The following UGT2B11 variants were observed in gnomAD, a reference collection of about 807,000 sequenced individuals.
UGT2B11 encodes the protein UDP-glucuronosyltransferase 2B11.
A neutral mutation model predicts 51.7 loss-of-function variants in UGT2B11; 49 were observed. The ratio of observed to expected loss-of-function variants is 0.95; its 90% CI spans 0.75 to 1.20. The LOEUF is 1.20. Ranked by LOEUF, UGT2B11 falls within the 50% of genes most tolerant of loss-of-function variation. The pLI is 0.00. For synonymous variants in UGT2B11, 273 were observed against 209.0 expected (o/e 1.31, Z -2.64); for missense variants, 810 against 622.1 (o/e 1.30, Z -3.21).
chr4:69,209,803 T>C (rs1037039972), intron 2 of UGT2B11, among the ~76,000 whole-genome samples: 47 of 151,712 alleles, frequency 3.1e-4, no homozygotes, highest in African/African-American at 1.1e-3. Flanking sequence ...GTTTTTCTAC[T>C]AGGTGTTGAA....
In UGT2B11 at chr4:69,214,185, T is replaced by C. The variant is rs147658117; in HGVS notation, c.538A>G (p.Ile180Val). 4.0e-5 allele frequency: 65 copies of C among 1,612,864 alleles called. No homozygotes were observed. Among genetic ancestry groups the C allele is most frequent in the Non-Finnish European group, 4.9e-5 (58 of 1,179,384 alleles). The change falls in exon 1 of 6, where the codon ATT (isoleucine) becomes GTT (valine). Residue 180 changes from isoleucine (I) to valine (V), a missense_variant. Ile to Val is a conservative substitution (Grantham distance 29). Transcript: ENST00000446444. ...ATCAGTCCTCCACTGTGCCTTTCAA[T>C]TGTGTAGCCAGGAGTAAAGCGGAGA... is the stretch of plus-strand genomic sequence containing the variant. Reference protein sequence around the residue: ...YSLRFTPGYTIERHSGGLIFP... With the variant: ...YSLRFTPGYTVERHSGGLIFP...
At chr4:69,210,268 A>G (rs1722012427) in intron 2 of UGT2B11, among the ~76,000 whole-genome samples, 1 of 151,556 alleles carries the variant, frequency 6.6e-6, no homozygotes, top group African/African-American at 2.4e-5. Context: ...AATTTTGTGA[A>G]TATTTTCCAT....
At chr4:69,201,978 T>C (rs757074895) in intron 5 of UGT2B11, among the ~76,000 whole-genome samples, 24 of 151,770 alleles carry the variant, frequency 1.6e-4, no homozygotes, top group Non-Finnish European at 2.4e-4. Flanking sequence ...TTCTGAACCT[T>C]TTAGTGACTA....
intron 4 of UGT2B11, among the ~76,000 whole-genome samples, chr4:69,205,103 C>A (rs1721800212): frequency 1.3e-5 from 2 of 151,568 alleles, no homozygotes; most frequent in South Asian, 4.2e-4. Context: ...ATTTAGTCCT[C>A]CAGAAAATAC....
Position 69,212,584 on chromosome 4 carries a change from G to A in UGT2B11, c.859C>T (p.Pro287Ser), listed in dbSNP as rs1387025543. The change falls in exon 2 of 6, where the codon CCC becomes TCC. Residue 287 changes from proline (P) to serine (S), a missense_variant. By Grantham distance (74) the Pro-to-Ser change is moderately conservative. Coordinates refer to ENST00000446444, the MANE Select transcript of UGT2B11 (RefSeq NM_001073.3). ...AAAAGTATGTTTACCTTAGGTAGGG[G>A]TTTGGCAGGTTTGCAGTGGAATCCT... Reference protein sequence around the residue: ...VGGFHCKPAKPLPKEMEEFVQ... With the variant: ...VGGFHCKPAKSLPKEMEEFVQ... The A allele has an allele frequency of 1.9e-6, 3 of 1,607,888 alleles. No individual in the cohort carries two copies. Among genetic ancestry groups the A allele is most frequent in the East Asian group, 2.2e-5 (1 of 44,566 alleles).
chr4:69,219,464 T>C (rs1405269742), upstream of UGT2B11, among the ~76,000 whole-genome samples: 9 of 148,378 alleles, frequency 6.1e-5, no homozygotes, highest in East Asian at 1.4e-3. Context: ...TTCTCTTCTA[T>C]TGATTTTGTT....
At chr4:69,216,278 T>A (rs1459130673), upstream of UGT2B11, 2 of 152,048 alleles carry the variant, frequency 1.3e-5, no homozygotes, top group Non-Finnish European at 2.9e-5. Flanking sequence ...TTGAACAGTA[T>A]CAGAACATTC....
chr4:69,215,234 CT>C (rs1369741553), upstream of UGT2B11: 1 of 152,554 alleles, frequency 6.6e-6, no homozygotes, highest in Non-Finnish European at 1.5e-5. Context: ...TCAGTTTTAT[CT>C]AAAAAAACAA....
At chr4:69,209,471 A>T (rs1721978772) in intron 2 of UGT2B11, among the ~76,000 whole-genome samples, 1 of 151,684 alleles carries the variant, frequency 6.6e-6, no homozygotes, top group South Asian at 2.1e-4. Flanking sequence ...TTGATTGAGA[A>T]TTATTCTGAC....
chr4:69,215,953 T>C (rs1412809404), upstream of UGT2B11: 1 of 152,056 alleles, frequency 6.6e-6, no homozygotes, highest in Non-Finnish European at 1.5e-5. Context: ...TTGTTAAAAA[T>C]CTCAAATGCA....
At chr4:69,212,347 T>C (rs1722097699) in intron 2 of UGT2B11, among the ~76,000 whole-genome samples, 1 of 151,604 alleles carries the variant, frequency 6.6e-6, no homozygotes, top group African/African-American at 2.4e-5. Context: ...TAATCAACCC[T>C]ACATTCAAAG....
At chr4:69,211,228 C>T (rs1016498048) in intron 2 of UGT2B11, 2 of 151,422 alleles carry the variant, frequency 1.3e-5, no homozygotes, top group African/African-American at 4.8e-5. Flanking sequence ...GTCAAGTGAA[C>T]CCTGGGTTTG....
intron 3 of UGT2B11, 164 bp from the exon 4 acceptor site, chr4:69,205,731 T>A (rs1290577291): frequency 7.2e-6 from 6 of 833,588 alleles, no homozygotes; most frequent in African/African-American, 1.8e-5. Context: ...TTAACTTTTA[T>A]AATGATTTAG....
intron 5 of UGT2B11, among the ~76,000 whole-genome samples, chr4:69,202,585 C>T (rs763261856): frequency 4.0e-5 from 6 of 151,572 alleles, no homozygotes; most frequent in Admixed American, 1.3e-4. Flanking sequence ...ACAATACATA[C>T]ATGTGTATTG....
In UGT2B11 at chr4:69,214,283, A is replaced by T; in HGVS notation, c.440T>A (p.Ile147Asn). The change falls in exon 1 of 6, where the codon ATC (isoleucine) becomes AAC (asparagine). Residue 147 changes from isoleucine (I) to asparagine (N), a missense_variant. Physicochemically the swap from Ile to Asn is moderately radical, Grantham distance 149. Transcript: ENST00000446444. The stretch of plus-strand genomic sequence containing the variant: ...GGGAAAAACAGCATCTGCAAAAACG[A>T]TGTCAAATCTTGACTCTTGTAGTTT... ...MKKLQESRFD[I>N]VFADAVFPCG... is the part of the protein sequence containing the mutation. The T allele has an allele frequency of 1.9e-6, 3 of 1,613,308 alleles. No homozygotes were observed. The highest frequency in any genetic ancestry group is 2.5e-6 in the Non-Finnish European group (3 of 1,179,506).
upstream of UGT2B11, among the ~76,000 whole-genome samples, chr4:69,219,479 G>A (rs1722357033): frequency 2.1e-5 from 3 of 141,960 alleles, no homozygotes; most frequent in Admixed American, 1.4e-4. Flanking sequence ...TTTGTTCTAG[G>A]GTTTTATAGT....
In UGT2B11 at chr4:69,208,614, A is replaced by C. The variant is rs990665606; in HGVS notation, c.871-132T>G. Reference sequence around the variant, plus strand: ...TTATTGGAATTAATAATATTTTTTAACTGAATCATTCAGTTTCTTTGCAAG... The same window carrying C: ...TTATTGGAATTAATAATATTTTTTACCTGAATCATTCAGTTTCTTTGCAAG... On this transcript the variant is annotated intron_variant, in intron 2 of 5. Coordinates refer to ENST00000446444, the MANE Select transcript of UGT2B11 (RefSeq NM_001073.3). 7.5e-6 allele frequency: 11 copies of C among 1,476,022 alleles called. No individual in the cohort carries two copies. The African/African-American group carries it at 1.6e-4, about 21-fold the overall frequency. 91.4% of individuals were successfully genotyped at this position (1,476,022 alleles called of 1,614,324 possible).
chr4:69,217,201 C>A (rs1052407800), upstream of UGT2B11, among the ~76,000 whole-genome samples: 1 of 152,098 alleles, frequency 6.6e-6, no homozygotes, highest in Non-Finnish European at 1.5e-5. Flanking sequence ...TACTCCTGAA[C>A]TTGTTTCACA....
chr4:69,205,564 G>C lies in UGT2B11; in HGVS notation c.1006C>G (p.Leu336Val). 2 of 1,609,664 alleles carry C rather than the reference G, an allele frequency of 1.2e-6. No homozygotes were observed. Among genetic ancestry groups the C allele is most frequent in the Non-Finnish European group, 1.7e-6 (2 of 1,177,596 alleles). Residue 336 changes from leucine to valine, a missense_variant, in exon 4 of 6, where the codon CTG (leucine) becomes GTG (valine). Transcript: ENST00000446444. ...GGTTTATTCCCGTCAAATCTCCACAGAACCTGTTACAGTAAAGAGAATATC... is the reference window on the plus strand; with the variant it reads ...GGTTTATTCCCGTCAAATCTCCACACAACCTGTTACAGTAAAGAGAATATC... Reference protein sequence around the residue: ...TALAKIPQKVLWRFDGNKPDA... With the variant: ...TALAKIPQKVVWRFDGNKPDA...
Sources: allele counts gnomAD v4.1 joint callset (sites outside exome capture counted in the v4.1 genomes callset), GRCh38; gene constraint gnomAD v4.1.1; transcripts MANE v1.5; gene names NCBI Gene and HGNC (gene_info 2026-07-23, HGNC 2026-07-21).